Variants in ZNF583 observed in about 807,000 individuals in gnomAD.
The protein encoded by ZNF583 is zinc finger protein 583.
Under a neutral mutation model 55.3 loss-of-function variants are expected in ZNF583, and 30 were observed. The observed-to-expected ratio is 0.54, with a 90% CI of 0.41 to 0.74. The LOEUF is 0.74. ZNF583 is among the 30% of genes least tolerant of loss of function. The probability of loss-of-function intolerance (pLI) is 0.00; values close to 1 mark genes in which losing one functional copy is unlikely to be tolerated. For synonymous variants in ZNF583, 208 were observed against 220.0 expected (o/e 0.95, Z 0.48); for missense variants, 504 against 664.7 (o/e 0.76, Z 2.66).
chr19:56,421,760 T>A (rs897038797), intron 4 of ZNF583, among the ~76,000 whole-genome samples: 1 of 151,954 alleles, frequency 6.6e-6, no homozygotes, highest in African/African-American at 2.4e-5. Context: ...TGTTCAAGGG[T>A]GAGAAAAAAA....
At chr19:56,418,141 G>A (rs1273413229) in intron 4 of ZNF583, among the ~76,000 whole-genome samples, 1 of 152,132 alleles carries the variant, frequency 6.6e-6, no homozygotes, top group Non-Finnish European at 1.5e-5. Flanking sequence ...ATTTTAGAAT[G>A]AAGTTGAGAA....
chr19:56,417,249 T>C (rs1165199526), intron 4 of ZNF583, among the ~76,000 whole-genome samples: 1 of 152,224 alleles, frequency 6.6e-6, no homozygotes, highest in East Asian at 1.9e-4. Context: ...GGTATATGTT[T>C]AACTCTGTTA....
At chr19:56,418,815 A>G (rs1286298030) in intron 4 of ZNF583, among the ~76,000 whole-genome samples, 1 of 152,182 alleles carries the variant, frequency 6.6e-6, no homozygotes, top group Non-Finnish European at 1.5e-5. Flanking sequence ...GAGGAAATGT[A>G]CTTGTGCTGT....
chr19:56,423,474 A>C lies in ZNF583; in HGVS notation c.816A>C (p.Glu272Asp). The change falls in exon 5 of 5, where the codon GAA (glutamate) becomes GAC (aspartate). Residue 272 changes from glutamate (E) to aspartate (D), a missense_variant. This residue lies in a region of ZNF583 where 237 missense variants were observed against 373.0 expected (regional missense o/e 0.64). Transcript: ENST00000333201. Reference protein sequence around the residue: ...HTGEKPYECKECRKAFSQNAH... With the variant: ...HTGEKPYECKDCRKAFSQNAH... The stretch of plus-strand genomic sequence containing the variant: ...GAGAGAAACCCTATGAATGTAAAGA[A>C]TGTAGGAAAGCCTTCAGCCAGAATG... 3.1e-6 allele frequency: 5 copies of C among 1,613,980 alleles called. No individual in the cohort carries two copies. The highest frequency in any genetic ancestry group is 4.2e-6 in the Non-Finnish European group (5 of 1,179,934).
At chr19:56,422,834 A>T in intron 4 of ZNF583, 57 bp from the exon 5 acceptor site, 1 of 1,367,798 alleles carries the variant, frequency 7.3e-7, no homozygotes, top group Non-Finnish European at 9.8e-7. Flanking sequence ...TTTTTGTTTT[A>T]GAAATTTCTT....
chr19:56,413,938 A>G lies in ZNF583; in HGVS notation c.10-21A>G, dbSNP rs988464180. The G allele has an allele frequency of 8.1e-6, 13 of 1,613,726 alleles. No homozygotes were observed. In the African/African-American group the frequency reaches 1.5e-4, roughly 18 times the overall value. ...AGGATATGAACACTAGTTGAGCAAG[A>G]ATGTGTTTATGTCATTTCAGGATTT... On this transcript the variant is annotated intron_variant, in intron 2 of 4. Transcript: ENST00000333201.
chr19:56,416,925 A>G (rs2042335236), intron 4 of ZNF583, among the ~76,000 whole-genome samples: 1 of 152,192 alleles, frequency 6.6e-6, no homozygotes, highest in Admixed American at 6.5e-5. Context: ...TCCCAGTTCC[A>G]AACAAACATG....
chr19:56,420,126 T>C (rs2042390795), intron 4 of ZNF583, among the ~76,000 whole-genome samples: 1 of 152,214 alleles, frequency 6.6e-6, no homozygotes, highest in South Asian at 2.1e-4. Flanking sequence ...GATTTTGATA[T>C]GTTGTACTGT....
At chr19:56,405,705 G>A (rs1397590543) in intron 1 of ZNF583, among the ~76,000 whole-genome samples, 1 of 152,158 alleles carries the variant, frequency 6.6e-6, no homozygotes, top group Non-Finnish European at 1.5e-5. Flanking sequence ...AAGGAAAAAG[G>A]AATGGGAGAC....
At chr19:56,412,436 C>T (rs549356677) in intron 2 of ZNF583, among the ~76,000 whole-genome samples, 1 of 152,060 alleles carries the variant, frequency 6.6e-6, no homozygotes, top group African/African-American at 2.4e-5. Flanking sequence ...TATTTGGGAG[C>T]TGTACTGTAA....
Position 56,424,435 on chromosome 19 carries a change from T to C in ZNF583, c.*67T>C, listed in dbSNP as rs1401541286. On this transcript the variant is annotated 3_prime_UTR_variant, in exon 5 of 5. Transcript: ENST00000333201. ...CATCCTTGTCCAATGCACATTAATA[T>C]ATTTGACATGGGATACTCGAGTAGC... 4 of 696,626 alleles carry C rather than the reference T, an allele frequency of 5.7e-6. No homozygotes were observed. The African/African-American group carries it at 7.2e-5, about 12-fold the overall frequency. The allele number at this position is 696,626 out of a possible 1,614,324, so 43.2% of individuals were successfully genotyped here.
chr19:56,413,531 A>G, intron 2 of ZNF583, among the ~76,000 whole-genome samples: 1 of 152,222 alleles, frequency 6.6e-6, no homozygotes, highest in East Asian at 1.9e-4. Context: ...GAGTTTGGAA[A>G]AATGCCAGAT....
chr19:56,415,644 A>G (rs2042309233), intron 4 of ZNF583, among the ~76,000 whole-genome samples: 1 of 152,048 alleles, frequency 6.6e-6, no homozygotes, highest in Non-Finnish European at 1.5e-5. Flanking sequence ...GTGCACTGCA[A>G]CCTCCACCTC....
At chr19:56,409,016 C>T (rs1412974643) in intron 2 of ZNF583, among the ~76,000 whole-genome samples, 1 of 151,592 alleles carries the variant, frequency 6.6e-6, no homozygotes, top group Admixed American at 6.6e-5. Flanking sequence ...GCTTGCTCCC[C>T]CATTTCATTT....
At chr19:56,414,513 C>G in intron 4 of ZNF583, 73 bp downstream of exon 4, 5 of 1,411,098 alleles carry the variant, frequency 3.5e-6, no homozygotes, top group Non-Finnish European at 4.9e-6. Flanking sequence ...GATTTCAGTT[C>G]ATAATTGACG....
Position 56,424,366 on chromosome 19 carries a change from T to A in ZNF583, c.1708T>A (p.Ter570ArgextTer8). The A allele has an allele frequency of 4.8e-6, 6 of 1,257,882 alleles. No individual in the cohort carries two copies. The highest frequency in any genetic ancestry group is 2.4e-5 in the East Asian group (1 of 41,980). The allele number at this position is 1,257,882 out of a possible 1,614,324, so 77.9% of individuals were successfully genotyped here. ...QLPRPVGFIS[*>R] The stretch of plus-strand genomic sequence containing the variant: ...GCCAAGACCTGTAGGTTTCATCTCC[T>A]GAATATTTCTGGAATCCACCTCTTG... Residue 570 changes from the stop codon to arginine (R), a stop_lost, in exon 5 of 5, where the codon TGA becomes AGA. Transcript: ENST00000333201.
At chr19:56,416,768 C>T (rs2042331770) in intron 4 of ZNF583, among the ~76,000 whole-genome samples, 1 of 151,616 alleles carries the variant, frequency 6.6e-6, no homozygotes, top group Non-Finnish European at 1.5e-5. Context: ...GAATTATTTA[C>T]ATACAGTAAA....
chr19:56,407,157 G>T, intron 2 of ZNF583, 34 bp downstream of exon 2: 1 of 1,612,830 alleles, frequency 6.2e-7, no homozygotes, highest in Non-Finnish European at 8.5e-7. Flanking sequence ...TCCCTAAAAT[G>T]CCATCTTATT....
intron 1 of ZNF583, among the ~76,000 whole-genome samples, chr19:56,406,816 C>A (rs1038559668): frequency 1.3e-5 from 2 of 152,056 alleles, no homozygotes; most frequent in African/African-American, 2.4e-5. Context: ...CGTGAGCCAC[C>A]GCGCCTGGCC....
Sources: gnomAD v4.1 joint callset for allele counts (sites outside exome capture counted in the v4.1 genomes callset) on GRCh38, gnomAD v4.1.1 for gene constraint, gnomAD v4.1.1 regional missense constraint, MANE v1.5 for transcripts, NCBI Gene and HGNC (gene_info 2026-07-23, HGNC 2026-07-21) for gene names.